AHI1: variants seen among roughly 807,000 people sequenced by gnomAD.
The protein encoded by AHI1 is Abelson helper integration site 1, also known as jouberin.
A neutral mutation model predicts 149.3 loss-of-function variants in AHI1; 123 were observed. That is an observed-to-expected ratio of 0.82 (90% CI 0.71 to 0.96). AHI1 has a LOEUF of 0.96. Among genes scored for constraint, AHI1 ranks in the 40% least tolerant of loss-of-function variants. The pLI, the probability that AHI1 is intolerant of heterozygous loss-of-function variation, is 0.00. For synonymous variants in AHI1, 475 were observed against 459.8 expected, an observed-to-expected ratio of 1.03 and a Z score of -0.42; for missense variants, 1,439 against 1,422.7, an observed-to-expected ratio of 1.01 and a Z score of -0.18.
At chr6:135,440,643 G>C (rs1281361744) in intron 14 of AHI1, among the ~76,000 whole-genome samples, 1 of 149,220 alleles carries the variant, frequency 6.7e-6, no homozygotes, top group Non-Finnish European at 1.5e-5. Flanking sequence ...AACACACACA[G>C]AGTCTCTTGG....
chr6:135,470,461 C>T (rs9399146), intron 5 of AHI1, among the ~76,000 whole-genome samples: 116,003 of 152,110 alleles, frequency 0.76, 48,691 homozygotes, highest in Non-Finnish European at 0.91. Flanking sequence ...AATCCCATTA[C>T]TGGGTATATA....
intron 23 of AHI1, among the ~76,000 whole-genome samples, chr6:135,358,405 T>C (rs1275156883): frequency 6.6e-6 from 1 of 152,198 alleles, no homozygotes; most frequent in Non-Finnish European, 1.5e-5. Context: ...AAGCCTTTTT[T>C]CCCATTCAAG....
chr6:135,338,126 T>C (rs2128407320), intron 24 of AHI1, among the ~76,000 whole-genome samples: 1 of 151,670 alleles, frequency 6.6e-6, no homozygotes, highest in East Asian at 1.9e-4. Context: ...GGTGAAGCCC[T>C]GTCTCTACTA....
intron 24 of AHI1, among the ~76,000 whole-genome samples, chr6:135,326,082 T>C (rs967794157): frequency 2.6e-5 from 4 of 152,208 alleles, no homozygotes; most frequent in African/African-American, 7.2e-5. Context: ...CAGAACCAAA[T>C]ACACACATCA....
chr6:135,451,385 T>C (rs1328263105), intron 11 of AHI1, among the ~76,000 whole-genome samples: 1 of 152,190 alleles, frequency 6.6e-6, no homozygotes, highest in Non-Finnish European at 1.5e-5. Context: ...AAACACTTTC[T>C]ATGTGACATT....
At chr6:135,445,786 GT>G (rs1322873756) in intron 13 of AHI1, among the ~76,000 whole-genome samples, 1 of 152,128 alleles carries the variant, frequency 6.6e-6, no homozygotes, top group African/African-American at 2.4e-5. Context: ...GCCGGGCACG[GT>G]GGCTCACGCC....
chr6:135,362,997 AGATTT>A (rs201222240), intron 23 of AHI1, among the ~76,000 whole-genome samples: 1,892 of 150,928 alleles, frequency 0.013, 24 homozygotes, highest in East Asian at 0.052. Flanking sequence ...TCTGGGTCTT[AGATTT>A]AAGTCTTTCA....
rs1320576975 is a variant in AHI1 at position 135,374,083 on chromosome 6, T to C, written c.3110-15896A>G. 7.7e-5 allele frequency among the ~76,000 whole-genome samples: 3 copies of C among 39,042 alleles called. No homozygotes were observed. In the East Asian group the frequency reaches 1.6e-3, roughly 21 times the overall value. The allele number at this position is 39,042 out of a possible 152,430, so 25.6% of individuals were successfully genotyped here. ...TCTTTTCTGCTAGTTTATATATACATATATATATATATATATATATATATA... is the reference window on the plus strand; with the variant it reads ...TCTTTTCTGCTAGTTTATATATACACATATATATATATATATATATATATA... On this transcript the variant is annotated intron_variant, in intron 23 of 28. Transcript: ENST00000265602.
In AHI1 at chr6:135,418,684, T is replaced by G. The variant is rs141697589; in HGVS notation, c.2765-7140A>C. On this transcript the variant is annotated intron_variant, in intron 20 of 28. Coordinates refer to ENST00000265602, the MANE Select transcript of AHI1 (RefSeq NM_001134831.2). ...GTGAACCTGGAATCACAACATATTC[T>G]TTCTCTTACATTATATTAACAATAA... is the stretch of plus-strand genomic sequence containing the variant. Among the ~76,000 whole-genome samples the G allele has an allele frequency of 2.8e-3, 421 of 152,204 alleles. 2 individuals carry two copies. The highest frequency in any genetic ancestry group is 9.9e-3 in the African/African-American group (413 of 41,566).
At chr6:135,455,964 A>T in intron 9 of AHI1, 38 bp from the exon 10 acceptor site, 1 of 1,328,638 alleles carries the variant, frequency 7.5e-7, no homozygotes, top group Non-Finnish European at 9.8e-7. Flanking sequence ...CACAATTTTC[A>T]TAATTTTGAG....
chr6:135,427,187 A>G lies in AHI1; in HGVS notation c.2744T>C (p.Leu915Pro). The change falls in exon 20 of 29, where the codon CTG (leucine) becomes CCG (proline). Residue 915 changes from leucine to proline, a missense_variant. By Grantham distance (98) the Leu-to-Pro change is moderately conservative. Transcript: ENST00000265602. ...CTTACCATGGAAATCGTAAATATAC[A>G]GAAGAATTGGCTCATTTTGCCCAAA... ...CAFGQNEPIL[L>P]YIYDFHVAQQ... 6.2e-7 allele frequency: 1 copy of G among 1,610,274 alleles called. No homozygotes were observed. Among genetic ancestry groups the G allele is most frequent in the Non-Finnish European group, 8.5e-7 (1 of 1,177,516 alleles).
At chr6:135,323,435 G>GTT in intron 24 of AHI1, 111 bp from the exon 25 acceptor site, 1 of 1,177,228 alleles carries the variant, frequency 8.5e-7, no homozygotes, top group Non-Finnish European at 1.2e-6. Flanking sequence ...CAGTACTTTG[G>GTT]TAAGTGTGAG....
At chr6:135,393,127 T>C (rs1778750982) in intron 23 of AHI1, among the ~76,000 whole-genome samples, 1 of 152,094 alleles carries the variant, frequency 6.6e-6, no homozygotes, top group Non-Finnish European at 1.5e-5. Flanking sequence ...TGAAGCGAAA[T>C]GGAGCCAATC....
In AHI1 at chr6:135,323,318, C is replaced by T. The variant is rs2128384848; in HGVS notation, c.3172G>A (p.Ala1058Thr). ...CGATTCGCTGTGTAGTCATAAAGAG[C>T]CACTACCTAAGAGAGAGATAAGACC... ...HQVDTAPTVV[A>T]LYDYTANRSD... Residue 1058 changes from alanine to threonine, a missense_variant, in exon 25 of 29, where the codon GCT becomes ACT. Ala to Thr is a moderately conservative substitution (Grantham distance 58). Transcript: ENST00000265602. 6.2e-7 allele frequency: 1 copy of T among 1,613,070 alleles called. No individual in the cohort carries two copies. Among genetic ancestry groups the T allele is most frequent in the Non-Finnish European group, 8.5e-7 (1 of 1,179,492 alleles).
intron 27 of AHI1, among the ~76,000 whole-genome samples, chr6:135,291,315 T>C (rs934261284): frequency 6.6e-6 from 1 of 152,192 alleles, no homozygotes; most frequent in African/African-American, 2.4e-5. Flanking sequence ...AAAATTCACA[T>C]GTTGACACCT....
chr6:135,451,993 T>G (rs968664075), intron 11 of AHI1, among the ~76,000 whole-genome samples: 7 of 152,218 alleles, frequency 4.6e-5, no homozygotes, highest in African/African-American at 1.7e-4. Flanking sequence ...TTACTCACCA[T>G]AGCCAACCTG....
intron 21 of AHI1, 72 bp downstream of exon 21, chr6:135,411,276 T>C (rs1002901495): frequency 7.3e-7 from 1 of 1,363,874 alleles, no homozygotes; most frequent in East Asian, 2.3e-5. Flanking sequence ...ATTAAATGAA[T>C]ATTTATTGGC....
intron 17 of AHI1, among the ~76,000 whole-genome samples, chr6:135,430,307 CA>C (rs1468814859): frequency 2.0e-5 from 3 of 151,890 alleles, no homozygotes; most frequent in African/African-American, 7.2e-5. Context: ...CATCTTGTAA[CA>C]TTACATTTTT....
intron 22 of AHI1, 44 bp downstream of exon 22, chr6:135,404,907 A>C: frequency 6.3e-7 from 1 of 1,575,712 alleles, no homozygotes; most frequent in Non-Finnish European, 8.7e-7. Flanking sequence ...TTGGAGCATC[A>C]CTATACCTTT....
Sources: allele counts gnomAD v4.1 joint callset (sites outside exome capture counted in the v4.1 genomes callset), GRCh38; gene constraint gnomAD v4.1.1; transcripts MANE v1.5; gene names NCBI Gene and HGNC (gene_info 2026-07-23, HGNC 2026-07-21).